SGSM1: variants seen among roughly 807,000 people sequenced by gnomAD.
The protein encoded by SGSM1 is small G protein signaling modulator 1, also known as RUN and TBC1 domain containing 2.
SGSM1 carries 73 observed loss-of-function variants against 133.8 expected under a neutral mutation model. The ratio of observed to expected loss-of-function variants is 0.55; its 90% CI spans 0.45 to 0.66. The LOEUF is 0.66. Among genes scored for constraint, SGSM1 ranks in the 30% least tolerant of loss-of-function variants. SGSM1 has a pLI of 0.00. For synonymous variants in SGSM1, 563 were observed against 573.0 expected, an observed-to-expected ratio of 0.98 and a Z score of 0.25; for missense variants, 1,213 against 1,448.1, an observed-to-expected ratio of 0.84 and a Z score of 2.64.
chr22:24,841,862 G>GGAAT (rs1020281046), intron 2 of SGSM1, among the ~76,000 whole-genome samples: 5 of 152,030 alleles, frequency 3.3e-5, no homozygotes, highest in Admixed American at 2.0e-4. Context: ...CCCAAGTACT[G>GGAAT]TTGTCCTAAG....
In SGSM1 at chr22:24,815,122, A is replaced by T. The variant is rs573863596; in HGVS notation, c.63+8638A>T. On this transcript the variant is annotated intron_variant, in intron 2 of 24. Transcript: ENST00000400358. Reference sequence around the variant, plus strand: ...ATAGATTTCTATGTTTTTTCTTTGCACAATTTTGCAGGAACTCAGATTGTG... The same window carrying T: ...ATAGATTTCTATGTTTTTTCTTTGCTCAATTTTGCAGGAACTCAGATTGTG... Among the ~76,000 whole-genome samples the T allele has an allele frequency of 2.6e-5, 4 of 152,330 alleles. No homozygotes were observed. In the East Asian group the frequency reaches 5.8e-4, roughly 22 times the overall value.
chr22:24,874,940 G>A (rs1463685198), intron 12 of SGSM1, among the ~76,000 whole-genome samples: 1 of 152,216 alleles, frequency 6.6e-6, no homozygotes, highest in Non-Finnish European at 1.5e-5. Context: ...CTAGCTCATG[G>A]GTGAGTCTAC....
rs1569169668 is a variant in SGSM1 at position 24,898,555 on chromosome 22, A to G, written c.2606A>G (p.Tyr869Cys). 3.8e-6 allele frequency: 6 copies of G among 1,598,802 alleles called. No homozygotes were observed. Among genetic ancestry groups the G allele is most frequent in the South Asian group, 1.1e-5 (1 of 88,404 alleles). The change falls in exon 19 of 25, where the codon TAC becomes TGC. Residue 869 changes from tyrosine (Y) to cysteine (C), a missense_variant. Transcript: ENST00000400358. Reference protein sequence around the residue: ...VSPVSSSGVTYSPELLDLYTV... With the variant: ...VSPVSSSGVTCSPELLDLYTV... Reference sequence around the variant, plus strand: ...CCTGTGTCTTCCAGCGGCGTCACCTACTCTGTAAGTCACCAGGACCCTCCG... The same window carrying G: ...CCTGTGTCTTCCAGCGGCGTCACCTGCTCTGTAAGTCACCAGGACCCTCCG...
At chr22:24,854,561 C>T (rs1026405245) in intron 5 of SGSM1, among the ~76,000 whole-genome samples, 1 of 152,124 alleles carries the variant, frequency 6.6e-6, no homozygotes, top group Non-Finnish European at 1.5e-5. Flanking sequence ...GCCTGTAATC[C>T]CAGTGCTTTG....
chr22:24,810,713 T>A (rs1297208267), intron 2 of SGSM1, among the ~76,000 whole-genome samples: 2 of 151,998 alleles, frequency 1.3e-5, no homozygotes, highest in Non-Finnish European at 2.9e-5. Context: ...ATGAGGCAGG[T>A]CCTGGAGTGG....
chr22:24,862,146 C>T (rs1931192918), intron 9 of SGSM1, among the ~76,000 whole-genome samples: 2 of 152,148 alleles, frequency 1.3e-5, no homozygotes, highest in South Asian at 2.1e-4. Flanking sequence ...GACAGGGTTT[C>T]TCCGTGTTGG....
chr22:24,831,215 T>C (rs1929102795), intron 2 of SGSM1, among the ~76,000 whole-genome samples: 1 of 151,364 alleles, frequency 6.6e-6, no homozygotes, highest in South Asian at 2.1e-4. Context: ...GGAGGTGCTC[T>C]TAGGATCAAC....
rs1464921517 is a variant in SGSM1 at position 24,924,852 on chromosome 22, C to T, written c.*578C>T. On this transcript the variant is annotated 3_prime_UTR_variant, in exon 25 of 25. Coordinates refer to ENST00000400358, the MANE Select transcript of SGSM1 (RefSeq NM_001098497.3). ...TAGGATGCTGAGCAGCATCCCGGGCCTCACCAGATGCCAGTAGTGCCATCC... is the reference window on the plus strand; with the variant it reads ...TAGGATGCTGAGCAGCATCCCGGGCTTCACCAGATGCCAGTAGTGCCATCC... 6.5e-6 allele frequency: 1 copy of T among 153,142 alleles called. No individual in the cohort carries two copies. The highest frequency in any genetic ancestry group is 1.5e-5 in the Non-Finnish European group (1 of 68,816). 9.5% of individuals were successfully genotyped at this position (153,142 alleles called of 1,614,324 possible).
chr22:24,832,660 G>A (rs896693764), intron 2 of SGSM1, among the ~76,000 whole-genome samples: 1 of 152,212 alleles, frequency 6.6e-6, no homozygotes, highest in Admixed American at 6.5e-5. Flanking sequence ...TGAAGATGAT[G>A]AGGATGATGA....
At chr22:24,863,619 G>A (rs551127036) in intron 9 of SGSM1, among the ~76,000 whole-genome samples, 9 of 152,322 alleles carry the variant, frequency 5.9e-5, no homozygotes, top group African/African-American at 1.9e-4. Flanking sequence ...AGTCAGAAAT[G>A]TGGGGGTTGG....
chr22:24,869,152 T>C (rs1443297938), intron 12 of SGSM1, among the ~76,000 whole-genome samples: 3 of 152,162 alleles, frequency 2.0e-5, no homozygotes, highest in Non-Finnish European at 2.9e-5. Flanking sequence ...GTGCCTCAGT[T>C]TCCTCATCTG....
At chr22:24,812,169 C>CAA (rs1351864022) in intron 2 of SGSM1, among the ~76,000 whole-genome samples, 2 of 70,032 alleles carry the variant, frequency 2.9e-5, no homozygotes, top group South Asian at 4.4e-4. Context: ...GACTCCGTCT[C>CAA]AAAAAAAGAA....
chr22:24,824,254 A>G (rs1399577559), intron 2 of SGSM1, among the ~76,000 whole-genome samples: 1 of 152,212 alleles, frequency 6.6e-6, no homozygotes, highest in Non-Finnish European at 1.5e-5. Flanking sequence ...TGCATGGGCA[A>G]GGACCAGGAG....
chr22:24,818,488 C>T (rs889370044), intron 2 of SGSM1, among the ~76,000 whole-genome samples: 3 of 151,654 alleles, frequency 2.0e-5, no homozygotes, highest in Admixed American at 2.0e-4. Flanking sequence ...CTGCCTCAGC[C>T]TCCTGAGTAG....
chr22:24,809,399 G>T (rs533466766), intron 2 of SGSM1, among the ~76,000 whole-genome samples: 1 of 152,344 alleles, frequency 6.6e-6, no homozygotes, highest in East Asian at 1.9e-4. Context: ...TGTCTTCTGT[G>T]TGTACATCTG....
In SGSM1 at chr22:24,876,656, A is replaced by G. The variant is rs748730673; in HGVS notation, c.1371A>G (p.Ser457=). ...CCAGTCCCCGGAAGTCCTCCTGTTC[A>G]TCCTGTTCACAGAGTGGCTCGGCTG... ...WQPSPRKSSC[S]SCSQSGSADG... is the part of the protein sequence containing the mutation. Residue 457 remains serine, a synonymous_variant, in exon 13 of 25, where the codon TCA becomes TCG. Transcript: ENST00000400358. 14 of 1,613,832 alleles carry G rather than the reference A, an allele frequency of 8.7e-6. No individual in the cohort carries two copies. The South Asian group carries it at 1.2e-4, about 14-fold the overall frequency.
At chr22:24,904,573 G>A (rs1229268845) in intron 20 of SGSM1, among the ~76,000 whole-genome samples, 6 of 103,072 alleles carry the variant, frequency 5.8e-5, no homozygotes, top group Middle Eastern at 6.7e-3. Context: ...GTGAGACTCC[G>A]TCTCAAAAAA....
intron 2 of SGSM1, among the ~76,000 whole-genome samples, chr22:24,821,812 G>A (rs1475933992): frequency 6.6e-6 from 1 of 152,126 alleles, no homozygotes; most frequent in Non-Finnish European, 1.5e-5. Flanking sequence ...TGAGCAGAAG[G>A]TGCAGAGATT....
chr22:24,869,800 G>A (rs935914002), intron 12 of SGSM1, among the ~76,000 whole-genome samples: 5 of 152,286 alleles, frequency 3.3e-5, no homozygotes, highest in Admixed American at 2.0e-4. Context: ...GGTGCCTGCC[G>A]TGACACAGAT....
Sources: allele counts gnomAD v4.1 joint callset (sites outside exome capture counted in the v4.1 genomes callset), GRCh38; gene constraint gnomAD v4.1.1; transcripts MANE v1.5; gene names NCBI Gene and HGNC (gene_info 2026-07-23, HGNC 2026-07-21).